Variants in ZNF540 observed in about 807,000 individuals in gnomAD.
ZNF540 encodes zinc finger protein 540.
A neutral mutation model predicts 11.8 loss-of-function variants in ZNF540; 3 were observed. The ratio of observed to expected loss-of-function variants is 0.25; its 90% CI spans 0.12 to 0.65. ZNF540 has a LOEUF of 0.65. ZNF540 is among the 30% of genes least tolerant of loss of function. The pLI, the probability that ZNF540 is intolerant of heterozygous loss-of-function variation, is 0.83. For synonymous variants in ZNF540, 247 were observed against 259.0 expected (o/e 0.95, Z 0.45); for missense variants, 709 against 793.1 (o/e 0.89, Z 1.27).
intron 1 of ZNF540, among the ~76,000 whole-genome samples, chr19:37,580,890 C>T (rs969337158): frequency 6.6e-6 from 1 of 152,180 alleles, no homozygotes; most frequent in Non-Finnish European, 1.5e-5. Flanking sequence ...ATTACCCAGC[C>T]TCAGGTATCC....
At chr19:37,611,275 C>T in intron 4 of ZNF540, 1 of 277,248 alleles carries the variant, frequency 3.6e-6, no homozygotes, top group Non-Finnish European at 6.8e-6. Flanking sequence ...GATCCACCTG[C>T]CTTGGCCTTC....
intron 1 of ZNF540, among the ~76,000 whole-genome samples, chr19:37,581,477 T>A (rs1402414088): frequency 4.0e-5 from 6 of 151,176 alleles, no homozygotes; most frequent in African/African-American, 9.7e-5. Context: ...TTTTTTTTTT[T>A]TTTTTGGAGA....
intron 1 of ZNF540, chr19:37,565,861 C>G (rs8111790): frequency 0.34 from 546,663 of 1,613,440 alleles, 98,924 homozygotes; most frequent in Non-Finnish European, 0.38. Flanking sequence ...TCTCACCAGT[C>G]TGAATTCTCT....
intron 4 of ZNF540, among the ~76,000 whole-genome samples, chr19:37,603,164 C>T (rs528789253): frequency 4.6e-5 from 7 of 152,096 alleles, no homozygotes; most frequent in Admixed American, 3.9e-4. Context: ...CCTGCCACCA[C>T]GCCTGGCTAA....
chr19:37,589,115 G>A (rs1015143325), intron 1 of ZNF540, among the ~76,000 whole-genome samples: 3 of 145,806 alleles, frequency 2.1e-5, no homozygotes, highest in African/African-American at 5.1e-5. Context: ...CAGGAGAATC[G>A]TTTGAACCCA....
intron 1 of ZNF540, chr19:37,564,386 T>C (rs1174610928): frequency 1.0e-5 from 4 of 393,160 alleles, no homozygotes; most frequent in Non-Finnish European, 1.8e-5. Context: ...ATGGAGATGA[T>C]GCTTAATAAA....
chr19:37,593,430 G>C (rs964267701), upstream of ZNF540, among the ~76,000 whole-genome samples: 3 of 152,154 alleles, frequency 2.0e-5, no homozygotes, highest in African/African-American at 7.2e-5. Flanking sequence ...CAGGCCAGGC[G>C]CGGTGGCTCA....
rs867437395 is a variant in ZNF540 at position 37,612,999 on chromosome 19, T to TA, written c.1720dup (p.Thr574AsnfsTer9). 2 of 1,614,168 alleles carry TA rather than the reference T, an allele frequency of 1.2e-6. No homozygotes were observed. The highest frequency in any genetic ancestry group is 2.7e-5 in the African/African-American group (2 of 75,058). ...AGTTCACTGAACATCAGAAAATTCA[T>TA]ACGGGTGTAAAACCATACAAATGTA... On this transcript the variant is annotated frameshift_variant, in exon 5 of 5. Transcript: ENST00000316433. LOFTEE classifies it low-confidence loss of function (END_TRUNC).
chr19:37,606,566 C>CT (rs1328948755), intron 4 of ZNF540, among the ~76,000 whole-genome samples: 1 of 152,182 alleles, frequency 6.6e-6, no homozygotes, highest in Non-Finnish European at 1.5e-5. Context: ...TTCTGTTTCT[C>CT]TGTCTTCTCT....
chr19:37,593,968 G>A (rs1303399110), upstream of ZNF540: 1 of 152,182 alleles, frequency 6.6e-6, no homozygotes, highest in East Asian at 1.9e-4. Flanking sequence ...ACTTTCAGAA[G>A]TGCGATATTC....
chr19:37,607,853 A>C (rs577740864), intron 4 of ZNF540, among the ~76,000 whole-genome samples: 152 of 152,364 alleles, frequency 1.0e-3, no homozygotes, highest in African/African-American at 3.4e-3. Flanking sequence ...TAGTACGATA[A>C]GAATAGGTTT....
chr19:37,604,457 A>C (rs1419887589), intron 4 of ZNF540, among the ~76,000 whole-genome samples: 1 of 151,262 alleles, frequency 6.6e-6, no homozygotes, highest in Admixed American at 6.6e-5. Context: ...ACAGGTGCCC[A>C]CCACCACGCC....
At chr19:37,566,332 A>C (rs1362905720) in intron 1 of ZNF540, 3 of 1,548,192 alleles carry the variant, frequency 1.9e-6, no homozygotes, top group Non-Finnish European at 1.7e-6. Flanking sequence ...TTTTGTTTAC[A>C]AGGAGAAATA....
At chr19:37,578,453 T>C (rs1806490527) in intron 1 of ZNF540, among the ~76,000 whole-genome samples, 1 of 152,166 alleles carries the variant, frequency 6.6e-6, no homozygotes, top group South Asian at 2.1e-4. Context: ...CCTGGGCCAC[T>C]AGACCAACAC....
chr19:37,572,762 A>C (rs2043108574), intron 1 of ZNF540, among the ~76,000 whole-genome samples: 5 of 152,208 alleles, frequency 3.3e-5, no homozygotes, highest in East Asian at 1.9e-4. Context: ...AAATAAAATT[A>C]ATTAATTTCT....
At chr19:37,553,559 C>A (rs1288929811) in intron 1 of ZNF540, among the ~76,000 whole-genome samples, 1 of 152,044 alleles carries the variant, frequency 6.6e-6, no homozygotes, top group Admixed American at 6.6e-5. Context: ...AATTCTTTTT[C>A]TAATTTTCTG....
At chr19:37,565,967 A>C in intron 1 of ZNF540, 1 of 1,613,792 alleles carries the variant, frequency 6.2e-7, no homozygotes, top group Non-Finnish European at 8.5e-7. Flanking sequence ...ATGTTGAATA[A>C]GGCATGACAG....
intron 1 of ZNF540, among the ~76,000 whole-genome samples, chr19:37,577,840 A>G (rs2043296290): frequency 6.6e-6 from 1 of 152,290 alleles, no homozygotes; most frequent in African/African-American, 2.4e-5. Context: ...GTCGGAAGTA[A>G]ATACTGTCTC....
chr19:37,588,701 TA>T (rs1240865908), intron 1 of ZNF540, among the ~76,000 whole-genome samples: 1 of 152,140 alleles, frequency 6.6e-6, no homozygotes, highest in African/African-American at 2.4e-5. Flanking sequence ...CCCCTGAATC[TA>T]AAATAAAAGT....
Sources: gnomAD v4.1 joint callset for allele counts (sites outside exome capture counted in the v4.1 genomes callset) on GRCh38, gnomAD v4.1.1 for gene constraint, MANE v1.5 for transcripts, NCBI Gene and HGNC (gene_info 2026-07-23, HGNC 2026-07-21) for gene names.